The following TRAP1 variants were observed in gnomAD, a reference collection of about 807,000 sequenced individuals.
TRAP1 encodes the protein heat shock protein 75 kDa, mitochondrial.
In TRAP1, 102 loss-of-function variants were observed where a neutral mutation model predicts 89.1. The ratio of observed to expected loss-of-function variants is 1.15; its 90% confidence interval spans 0.98 to 1.35. TRAP1 has a LOEUF of 1.35. Among genes scored for constraint, TRAP1 ranks in the 40% most tolerant of loss-of-function variants. The pLI, the probability that TRAP1 is intolerant of heterozygous loss-of-function variation, is 0.00. For synonymous variants in TRAP1, 508 were observed against 388.0 expected, an observed-to-expected ratio of 1.31 and a Z score of -3.64; for missense variants, 1,256 against 945.3, an observed-to-expected ratio of 1.33 and a Z score of -4.31.
chr16:3,661,936 C>A (rs1422808727), intron 16 of TRAP1, 51 bp downstream of exon 16: 1 of 1,535,332 alleles, frequency 6.5e-7, no homozygotes, highest in Admixed American at 2.0e-5. Context: ...ACACCACACA[C>A]AGGATTCTGG....
In TRAP1 at chr16:3,658,065, G is replaced by GTAAA; in HGVS notation, c.*60_*63dup. ...GGTTAAGAAATACCTTTAAATTTAG[G>GTAAA]TAAATAAAGCTCAAGGAGGTGGGGC... On this transcript the variant is annotated 3_prime_UTR_variant, in exon 18 of 18. Coordinates refer to ENST00000246957, the MANE Select transcript of TRAP1 (RefSeq NM_016292.3). 1.2e-6 allele frequency: 2 copies of GTAAA among 1,608,578 alleles called. No homozygotes were observed. Among genetic ancestry groups the GTAAA allele is most frequent in the Non-Finnish European group, 1.7e-6 (2 of 1,176,430 alleles).
rs147147803 is a variant in TRAP1, at chr16:3,712,413, T to C, written c.88+5008A>G. 1.3e-3 allele frequency among the ~76,000 whole-genome samples: 190 copies of C among 149,554 alleles called. 2 individuals carry two copies. The highest frequency in any genetic ancestry group is 4.5e-3 in the African/African-American group (184 of 40,678). On this transcript the variant is annotated intron_variant, in intron 1 of 17. Transcript: ENST00000246957. Reference sequence around the variant, plus strand: ...CTTTGTCACATGGTATTTACTGACATGGGGGGCAGGAGTAAATGTTTATTT... The same window carrying C: ...CTTTGTCACATGGTATTTACTGACACGGGGGGCAGGAGTAAATGTTTATTT...
intron 2 of TRAP1, 102 bp from the exon 3 acceptor site, chr16:3,689,239 A>C (rs1332186791): frequency 2.1e-6 from 2 of 964,240 alleles, no homozygotes; most frequent in Non-Finnish European, 1.5e-6. Context: ...TATGAGTTTT[A>C]AACTTTTTTT....
chr16:3,676,924 T>TGG (rs2051005009), intron 6 of TRAP1: 1 of 152,980 alleles, frequency 6.5e-6, no homozygotes, highest in Non-Finnish European at 1.5e-5. Context: ...CGTGGTGGCA[T>TGG]GCGCCTGTAG....
At chr16:3,670,409 A>AAAAAAAAAAAAAAAAAAAAAAAC (rs2050897329) in intron 11 of TRAP1, among the ~76,000 whole-genome samples, 1 of 149,276 alleles carries the variant, frequency 6.7e-6, no homozygotes, top group Non-Finnish European at 1.5e-5. Context: ...AAAAAAAAAA[A>AAAAAAAAAAAAAAAAAAAAAAAC]AATCTAAGTG....
rs7197959 is a variant in TRAP1 at position 3,669,880 on chromosome 16, A to G, written c.1235+1842T>C. 3.4e-3 allele frequency among the ~76,000 whole-genome samples: 519 copies of G among 151,000 alleles called. 3 individuals are homozygous for G. Among genetic ancestry groups the G allele is most frequent in the African/African-American group, 0.012 (498 of 40,976 alleles). Reference sequence around the variant, plus strand: ...AAAAAAGATTTCAGAACAAAGATAAACATGCACTGCAGTGTCATAACTGCA... The same window carrying G: ...AAAAAAGATTTCAGAACAAAGATAAGCATGCACTGCAGTGTCATAACTGCA... On this transcript the variant is annotated intron_variant, in intron 11 of 17. Transcript: ENST00000246957.
chr16:3,673,036 C>A (rs1327540852), intron 9 of TRAP1, among the ~76,000 whole-genome samples: 1 of 152,162 alleles, frequency 6.6e-6, no homozygotes, highest in Non-Finnish European at 1.5e-5. Context: ...TGCCGCCCTC[C>A]CCAGCCCACC....
At chr16:3,670,725 G>A (rs576306390) in intron 11 of TRAP1, among the ~76,000 whole-genome samples, 4 of 152,224 alleles carry the variant, frequency 2.6e-5, no homozygotes, top group East Asian at 3.9e-4. Context: ...ACATCACTGC[G>A]GCTTGCTTGG....
At chr16:3,709,549 G>A (rs1159482174) in intron 1 of TRAP1, among the ~76,000 whole-genome samples, 1 of 152,160 alleles carries the variant, frequency 6.6e-6, no homozygotes, top group Non-Finnish European at 1.5e-5. Context: ...TGGAATACCA[G>A]AGCTCTGTGG....
intron 10 of TRAP1, 97 bp downstream of exon 10, chr16:3,672,603 A>G: frequency 6.8e-7 from 1 of 1,460,398 alleles, no homozygotes; most frequent in Non-Finnish European, 9.0e-7. Context: ...CTCTCGCTGC[A>G]GAGGGCTGCT....
chr16:3,707,912 C>A (rs998268925), intron 1 of TRAP1, among the ~76,000 whole-genome samples: 1 of 150,628 alleles, frequency 6.6e-6, no homozygotes, highest in African/African-American at 2.4e-5. Flanking sequence ...GGGCCAGGCA[C>A]GACGGCTCCT....
At chr16:3,672,520 C>T (rs918581625) in intron 10 of TRAP1, among the ~76,000 whole-genome samples, 180 bp downstream of exon 10, 7 of 152,134 alleles carry the variant, frequency 4.6e-5, no homozygotes, top group East Asian at 1.9e-4. Flanking sequence ...CAGTCATGTG[C>T]GTAGGGAGGT....
At chr16:3,681,765 C>A (rs187059930) in intron 4 of TRAP1, among the ~76,000 whole-genome samples, 1 of 152,116 alleles carries the variant, frequency 6.6e-6, no homozygotes, top group Non-Finnish European at 1.5e-5. Flanking sequence ...CAACTAATAG[C>A]TCCTATTTTC....
intron 10 of TRAP1, among the ~76,000 whole-genome samples, chr16:3,672,308 G>C (rs2050924771): frequency 6.6e-6 from 1 of 152,184 alleles, no homozygotes. Flanking sequence ...CTGGGTGACA[G>C]AGCAAGACTC....
intron 1 of TRAP1, among the ~76,000 whole-genome samples, chr16:3,705,565 C>A (rs1179840353): frequency 6.6e-6 from 1 of 152,158 alleles, no homozygotes; most frequent in Non-Finnish European, 1.5e-5. Context: ...AGCATAAAGT[C>A]TTTGGGGTTC....
intron 4 of TRAP1, among the ~76,000 whole-genome samples, chr16:3,685,069 C>T (rs1209341043): frequency 6.6e-6 from 1 of 152,198 alleles, no homozygotes; most frequent in Non-Finnish European, 1.5e-5. Context: ...CTTGCCCCAG[C>T]ACATCCATTT....
chr16:3,697,339 T>C (rs1340206679), intron 1 of TRAP1, among the ~76,000 whole-genome samples: 1 of 152,142 alleles, frequency 6.6e-6, no homozygotes, highest in Non-Finnish European at 1.5e-5. Flanking sequence ...TAAATCTTCT[T>C]CTTATTGATT....
chr16:3,688,458 T>A (rs1047139146), intron 3 of TRAP1, among the ~76,000 whole-genome samples: 3 of 152,046 alleles, frequency 2.0e-5, no homozygotes, highest in African/African-American at 7.2e-5. Flanking sequence ...AGAGACGGAA[T>A]TCAGCAGAGC....
Position 3,664,339 on chromosome 16 carries a change from C to T in TRAP1, c.1504G>A (p.Ala502Thr), listed in dbSNP as rs756033227. ...AGTRNIYYLC[A>T]PNRHLAEHSP... ...TGCTCTGCCAGGTGACGGTTGGGGG[C>T]GCACAGGTAGTAGATGTTGCGGGTG... Residue 502 changes from alanine to threonine, a missense_variant, in exon 13 of 18, where the codon GCC (alanine) becomes ACC (threonine). Coordinates refer to ENST00000246957, the MANE Select transcript of TRAP1 (RefSeq NM_016292.3). The T allele has an allele frequency of 4.8e-5, 78 of 1,612,678 alleles. No individual in the cohort carries two copies. Among genetic ancestry groups the T allele is most frequent in the Middle Eastern group, 1.6e-4 (1 of 6,080 alleles).
Sources: gnomAD v4.1 joint callset for allele counts (sites outside exome capture counted in the v4.1 genomes callset) on GRCh38, gnomAD v4.1.1 for gene constraint, MANE v1.5 for transcripts, NCBI Gene and HGNC (gene_info 2026-07-23, HGNC 2026-07-21) for gene names.